The following LDLRAD3 variants were observed in gnomAD, a reference collection of about 807,000 sequenced individuals.
LDLRAD3 encodes the protein low-density lipoprotein receptor class A domain-containing protein 3.
Under a neutral mutation model 29.4 loss-of-function variants are expected in LDLRAD3, and 20 were observed. The ratio of observed to expected loss-of-function variants is 0.68; its 90% CI spans 0.48 to 0.99. The LOEUF (loss-of-function observed/expected upper bound fraction) is 0.99, where lower values mean the gene tolerates loss of function less well. LDLRAD3 is among the 50% of genes least tolerant of loss of function. LDLRAD3 has a pLI of 0.00. For missense variants in LDLRAD3, 420 were observed against 454.3 expected, an observed-to-expected ratio of 0.92 and a Z score of 0.69; for synonymous variants, 157 against 192.7, an observed-to-expected ratio of 0.81 and a Z score of 1.53.
chr11:36,072,932 G>A lies in LDLRAD3; in HGVS notation c.194-8721G>A, dbSNP rs139156477. Among the ~76,000 whole-genome samples the A allele has an allele frequency of 7.8e-3, 1,181 of 152,296 alleles. 15 individuals are homozygous for A. The highest frequency in any genetic ancestry group is 0.028 in the African/African-American group (1,154 of 41,578). ...GACCTGGTTGTCACTGGCTTCTGGTGAAATGGGAAAAATAAGGACATCTAG... is the reference window on the plus strand; with the variant it reads ...GACCTGGTTGTCACTGGCTTCTGGTAAAATGGGAAAAATAAGGACATCTAG... On this transcript the variant is annotated intron_variant, in intron 2 of 5. Coordinates refer to ENST00000315571, the MANE Select transcript of LDLRAD3 (RefSeq NM_174902.4).
chr11:35,968,716 G>A (rs952311402), intron 1 of LDLRAD3: 1 of 160,588 alleles, frequency 6.2e-6, no homozygotes, highest in Admixed American at 6.2e-5. Context: ...TAATGCCTCA[G>A]TTTTTTGTTA....
chr11:35,975,379 T>G (rs888075257), intron 1 of LDLRAD3, among the ~76,000 whole-genome samples: 1 of 152,208 alleles, frequency 6.6e-6, no homozygotes, highest in Non-Finnish European at 1.5e-5. Flanking sequence ...GTGGAGTGTT[T>G]GAGTTGCTGA....
rs1851025800 is a variant in LDLRAD3 at position 35,944,250 on chromosome 11, C to T, written c.46+106C>T. On this transcript the variant is annotated intron_variant, in intron 1 of 5. Transcript: ENST00000315571. This position sits in a 1 kb window ranked among gnomAD's most constrained non-coding sequence, Gnocchi z 4.9. ...TCCTCTCCCGGGCGCGGGCCGCTCT[C>T]CGGGCGTGGGTGAGCGCGGAGGGCG... The T allele has an allele frequency of 1.5e-6, 1 of 688,204 alleles. No homozygotes were observed. Among genetic ancestry groups the T allele is most frequent in the African/African-American group, 1.9e-5 (1 of 51,282 alleles). 42.6% of individuals were successfully genotyped at this position (688,204 alleles called of 1,614,324 possible).
intron 1 of LDLRAD3, among the ~76,000 whole-genome samples, chr11:35,987,379 A>G (rs945371437): frequency 2.0e-5 from 3 of 152,192 alleles, no homozygotes; most frequent in Admixed American, 1.3e-4. Context: ...TTAGTACCCA[A>G]TACTTAGTTT....
At chr11:36,129,975 T>C (rs1003394776) in intron 4 of LDLRAD3, among the ~76,000 whole-genome samples, 1 of 152,234 alleles carries the variant, frequency 6.6e-6, no homozygotes, top group African/African-American at 2.4e-5. Context: ...AACTTCCGTG[T>C]TTTGTTTGTT....
intron 2 of LDLRAD3, among the ~76,000 whole-genome samples, chr11:36,049,891 T>C (rs7107975): frequency 0.19 from 28,650 of 152,178 alleles, 2,986 homozygotes; most frequent in East Asian, 0.45. Flanking sequence ...TCAGATTCTC[T>C]ATGAGATTTA....
intron 3 of LDLRAD3, among the ~76,000 whole-genome samples, chr11:36,090,919 G>T (rs1853270764): frequency 6.6e-6 from 1 of 152,172 alleles, no homozygotes; most frequent in Non-Finnish European, 1.5e-5. Context: ...GACTTAGGAA[G>T]GAGGAACTGA....
At chr11:35,994,481 C>A (rs1433187845) in intron 1 of LDLRAD3, among the ~76,000 whole-genome samples, 2 of 151,668 alleles carry the variant, frequency 1.3e-5, no homozygotes, top group African/African-American at 4.8e-5. Flanking sequence ...GAACATCTAG[C>A]CTTCAGTCAG....
At chr11:36,151,341 A>G (rs1179356086) in intron 4 of LDLRAD3, among the ~76,000 whole-genome samples, 1 of 152,052 alleles carries the variant, frequency 6.6e-6, no homozygotes, top group Non-Finnish European at 1.5e-5. Flanking sequence ...GCACATCGCA[A>G]AACTTCAGGG....
In LDLRAD3 at chr11:36,230,515, C is replaced by T. The variant is rs1385526795; in HGVS notation, c.*1118C>T. On this transcript the variant is annotated 3_prime_UTR_variant, in exon 6 of 6. Transcript: ENST00000315571. ...GTGCACGCTCCTCTTCCCAAGGTCC[C>T]AATACCAGCACCTCTAGTTAGAGTT... 2.0e-5 allele frequency: 3 copies of T among 152,778 alleles called. No homozygotes were observed. Among genetic ancestry groups the T allele is most frequent in the African/African-American group, 7.2e-5 (3 of 41,444 alleles). The allele number at this position is 152,778 out of a possible 1,614,324, so 9.5% of individuals were successfully genotyped here.
At chr11:36,090,012 C>G (rs1853256376) in intron 3 of LDLRAD3, among the ~76,000 whole-genome samples, 1 of 152,090 alleles carries the variant, frequency 6.6e-6, no homozygotes, top group Non-Finnish European at 1.5e-5. Flanking sequence ...ATGACAGAGA[C>G]ATTATTTTTG....
intron 1 of LDLRAD3, among the ~76,000 whole-genome samples, chr11:35,986,308 T>C (rs1289364165): frequency 6.6e-6 from 1 of 152,218 alleles, no homozygotes; most frequent in Admixed American, 6.5e-5. Context: ...TGTGTCTCTT[T>C]GATATAGAAG....
chr11:35,992,067 C>T (rs1277921519), intron 1 of LDLRAD3, among the ~76,000 whole-genome samples: 2 of 152,034 alleles, frequency 1.3e-5, no homozygotes, highest in Non-Finnish European at 2.9e-5. Context: ...TTCAGCAGCT[C>T]CTGTGAGCAT....
chr11:36,090,077 A>G (rs1460236520), intron 3 of LDLRAD3, among the ~76,000 whole-genome samples: 1 of 152,214 alleles, frequency 6.6e-6, no homozygotes, highest in African/African-American at 2.4e-5. Flanking sequence ...TAATTTTTCC[A>G]ACATCATATA....
chr11:36,197,462 C>A (rs1855051179), intron 4 of LDLRAD3: 1 of 152,242 alleles, frequency 6.6e-6, no homozygotes, highest in Non-Finnish European at 1.5e-5. Flanking sequence ...GCTGGGTACA[C>A]AGTCTTTCTG....
rs550475082 is a variant in LDLRAD3 at position 35,966,763 on chromosome 11, T to C, written c.46+22619T>C. On this transcript the variant is annotated intron_variant, in intron 1 of 5. Coordinates refer to ENST00000315571, the MANE Select transcript of LDLRAD3 (RefSeq NM_174902.4). Reference sequence around the variant, plus strand: ...GAAGCCATTTATTTAGTAAATACAATATCAGAAAGGGTATATATATTAGGA... The same window carrying C: ...GAAGCCATTTATTTAGTAAATACAACATCAGAAAGGGTATATATATTAGGA... 2.0e-5 allele frequency among the ~76,000 whole-genome samples: 3 copies of C among 152,312 alleles called. 1 individual carries two copies. In the South Asian group the frequency reaches 6.2e-4, roughly 32 times the overall value.
intron 1 of LDLRAD3, among the ~76,000 whole-genome samples, chr11:36,002,430 C>T (rs185549824): frequency 3.3e-5 from 5 of 152,324 alleles, no homozygotes; most frequent in South Asian, 2.1e-4. Flanking sequence ...ATCCCTTCAA[C>T]GACTAGAGTC....
chr11:36,092,482 C>A (rs1254692621), intron 3 of LDLRAD3, among the ~76,000 whole-genome samples: 1 of 152,092 alleles, frequency 6.6e-6, no homozygotes, highest in Non-Finnish European at 1.5e-5. Context: ...ATGTTTGTAT[C>A]CTTTAACCCA....
At chr11:35,966,267 A>G (rs1478757094) in intron 1 of LDLRAD3, among the ~76,000 whole-genome samples, 1 of 152,068 alleles carries the variant, frequency 6.6e-6, no homozygotes, top group Non-Finnish European at 1.5e-5. Context: ...TCTACTAAAA[A>G]TATAAAAGTT....
Sources: gnomAD v4.1 joint callset for allele counts (sites outside exome capture counted in the v4.1 genomes callset) on GRCh38, gnomAD v4.1.1 for gene constraint, Gnocchi (gnomAD v3.1) non-coding constraint, MANE v1.5 for transcripts, NCBI Gene and HGNC (gene_info 2026-07-23, HGNC 2026-07-21) for gene names.